NARS2: variants seen among roughly 807,000 people sequenced by gnomAD.
NARS2 encodes asparaginyl-tRNA synthetase.
In NARS2, 60 loss-of-function variants were observed where a neutral mutation model predicts 62.9. The ratio of observed to expected loss-of-function variants is 0.95; its 90% CI spans 0.77 to 1.18. The LOEUF is 1.18. Among genes scored for constraint, NARS2 ranks in the 50% most tolerant of loss-of-function variants. The probability of loss-of-function intolerance (pLI) is 0.00; values close to 1 mark genes in which losing one functional copy is unlikely to be tolerated. For synonymous variants in NARS2, 196 were observed against 200.0 expected (o/e 0.98, Z 0.17); for missense variants, 619 against 576.4 (o/e 1.07, Z -0.76).
chr11:78,480,704 G>A (rs571094879), intron 7 of NARS2, among the ~76,000 whole-genome samples: 1 of 145,836 alleles, frequency 6.9e-6, no homozygotes, highest in South Asian at 2.1e-4. Flanking sequence ...TGGGGGGGGT[G>A]GGAAAAAAGA....
intron 11 of NARS2, among the ~76,000 whole-genome samples, chr11:78,454,073 C>T (rs779389298): frequency 3.2e-4 from 48 of 152,168 alleles, no homozygotes; most frequent in Non-Finnish European, 5.4e-4. Flanking sequence ...CAGAAGAAAA[C>T]ATCAGTTGAG....
intron 7 of NARS2, among the ~76,000 whole-genome samples, chr11:78,489,803 A>G (rs1859739094): frequency 6.6e-6 from 1 of 152,166 alleles, no homozygotes; most frequent in African/African-American, 2.4e-5. Context: ...GTGTAATCCC[A>G]ACACTTTAGG....
chr11:78,489,402 T>G (rs1327817411), intron 7 of NARS2, among the ~76,000 whole-genome samples: 1 of 152,186 alleles, frequency 6.6e-6, no homozygotes, highest in East Asian at 1.9e-4. Flanking sequence ...TACACAGCTC[T>G]TAGAATGGCT....
At chr11:78,491,947 G>A (rs1301793699) in intron 7 of NARS2, among the ~76,000 whole-genome samples, 5 of 152,068 alleles carry the variant, frequency 3.3e-5, no homozygotes, top group Admixed American at 1.3e-4. Flanking sequence ...GAGAGTTGAT[G>A]AAAATCACTA....
intron 5 of NARS2, among the ~76,000 whole-genome samples, chr11:78,545,795 A>C (rs10793327): frequency 0.69 from 104,072 of 151,916 alleles, 37,447 homozygotes; most frequent in Non-Finnish European, 0.81. Context: ...GCCTTGGCCT[A>C]CCAACGTGCT....
intron 6 of NARS2, among the ~76,000 whole-genome samples, chr11:78,527,269 A>G (rs1484001137): frequency 6.6e-6 from 1 of 152,180 alleles, no homozygotes; most frequent in Non-Finnish European, 1.5e-5. Flanking sequence ...TTCCTCTGTA[A>G]TATAATCAAC....
chr11:78,446,018 T>A (rs939281757), intron 11 of NARS2, among the ~76,000 whole-genome samples: 5 of 152,188 alleles, frequency 3.3e-5, no homozygotes, highest in African/African-American at 1.2e-4. Flanking sequence ...TCCTGTCTTT[T>A]GGGCAGGTAG....
chr11:78,438,968 C>T (rs1420199385), intron 13 of NARS2, among the ~76,000 whole-genome samples: 2 of 151,388 alleles, frequency 1.3e-5, no homozygotes, highest in African/African-American at 4.9e-5. Flanking sequence ...AAGGCCTAAA[C>T]TTATTTAACC....
chr11:78,469,202 G>T (rs1858761105), intron 10 of NARS2, 45 bp downstream of exon 10: 1 of 1,288,072 alleles, frequency 7.8e-7, no homozygotes. Context: ...AGACAAGAAG[G>T]AAGCATTTTC....
Position 78,469,294 on chromosome 11 carries a change from C to G in NARS2, c.979G>C (p.Val327Leu). The G allele has an allele frequency of 6.2e-7, 1 of 1,613,432 alleles. No individual in the cohort carries two copies. The highest frequency in any genetic ancestry group is 1.1e-5 in the South Asian group (1 of 91,062). The stretch of plus-strand genomic sequence containing the variant: ...TGGGATGCTTGCTTTAAGATCTCCA[C>G]TGCTTCAGTATAAGAAATGCTGGAG... ...NFLIISYTEA[V>L]EILKQASQNF... The change falls in exon 10 of 14, where the codon GTG becomes CTG. Residue 327 changes from valine (V) to leucine (L), a missense_variant. Coordinates refer to ENST00000281038, the MANE Select transcript of NARS2 (RefSeq NM_024678.6).
Position 78,443,504 on chromosome 11 carries a change from G to A in NARS2, c.1262+157C>T, listed in dbSNP as rs114495556. ...ATTCCTGAAGAACGGGAAGCTCAGA[G>A]ATAAACTAACAACTTGCTCAAGGAC... On this transcript the variant is annotated intron_variant, in intron 12 of 13. Coordinates refer to ENST00000281038, the MANE Select transcript of NARS2 (RefSeq NM_024678.6). 602 of 461,402 alleles carry A rather than the reference G, an allele frequency of 1.3e-3. 1 individual carries two copies. The highest frequency in any genetic ancestry group is 0.011 in the African/African-American group (563 of 51,776). 28.6% of individuals were successfully genotyped at this position (461,402 alleles called of 1,614,324 possible).
intron 11 of NARS2, among the ~76,000 whole-genome samples, chr11:78,452,595 G>A (rs1858012085): frequency 6.6e-6 from 1 of 151,828 alleles, no homozygotes; most frequent in Non-Finnish European, 1.5e-5. Flanking sequence ...TTTTTGTACA[G>A]ACAGGGTCTC....
intron 6 of NARS2, among the ~76,000 whole-genome samples, chr11:78,497,264 T>C (rs1255457489): frequency 8.1e-6 from 1 of 123,850 alleles, no homozygotes; most frequent in African/African-American, 3.0e-5. Flanking sequence ...AAAAAAAAGG[T>C]TCTACAAAGT....
chr11:78,470,176 G>A (rs1364050632), intron 9 of NARS2, among the ~76,000 whole-genome samples: 1 of 152,140 alleles, frequency 6.6e-6, no homozygotes, highest in African/African-American at 2.4e-5. Context: ...TAAGGGCCTG[G>A]TAATATATTC....
At chr11:78,512,043 A>G (rs2135389456) in intron 6 of NARS2, among the ~76,000 whole-genome samples, 1 of 152,324 alleles carries the variant, frequency 6.6e-6, no homozygotes, top group East Asian at 1.9e-4. Flanking sequence ...TCCAAGAACA[A>G]AAGAATCTGG....
At chr11:78,570,516 T>C (rs1179582374) in intron 2 of NARS2, among the ~76,000 whole-genome samples, 1 of 152,046 alleles carries the variant, frequency 6.6e-6, no homozygotes, top group Non-Finnish European at 1.5e-5. Context: ...ACCGCCCGAG[T>C]AGTGGAGATT....
intron 4 of NARS2, among the ~76,000 whole-genome samples, chr11:78,562,530 G>A (rs971553362): frequency 3.3e-5 from 5 of 152,148 alleles, no homozygotes; most frequent in East Asian, 1.9e-4. Context: ...GAAGAACCTC[G>A]ACTCACTGAG....
intron 11 of NARS2, among the ~76,000 whole-genome samples, chr11:78,460,189 CAT>C (rs1402286324): frequency 5.3e-5 from 8 of 151,806 alleles, no homozygotes; most frequent in African/African-American, 1.9e-4. Context: ...TTGTAGGCGA[CAT>C]AAAGGATTTT....
At chr11:78,503,076 A>AATAT (rs1860347751) in intron 6 of NARS2, among the ~76,000 whole-genome samples, 1 of 151,912 alleles carries the variant, frequency 6.6e-6, no homozygotes, top group South Asian at 2.1e-4. Context: ...GCTACCCTAT[A>AATAT]AGAGAGGTGA....
Sources: gnomAD v4.1 joint callset for allele counts (sites outside exome capture counted in the v4.1 genomes callset) on GRCh38, gnomAD v4.1.1 for gene constraint, MANE v1.5 for transcripts, NCBI Gene and HGNC (gene_info 2026-07-23, HGNC 2026-07-21) for gene names.